The following TRPC1 variants were observed in gnomAD, a reference collection of about 807,000 sequenced individuals.
TRPC1 encodes the protein short transient receptor potential channel 1.
A neutral mutation model predicts 88.2 loss-of-function variants in TRPC1; 42 were observed. That is an observed-to-expected ratio of 0.48 (90% CI 0.37 to 0.62). TRPC1 has a LOEUF of 0.62. Among genes scored for constraint, TRPC1 ranks in the 20% least tolerant of loss-of-function variants. The pLI is 0.00. For synonymous variants in TRPC1, 288 were observed against 331.8 expected, an observed-to-expected ratio of 0.87 and a Z score of 1.43; for missense variants, 699 against 957.3, an observed-to-expected ratio of 0.73 and a Z score of 3.56.
intron 3 of TRPC1, among the ~76,000 whole-genome samples, chr3:142,745,881 C>T (rs1276314314): frequency 3.9e-5 from 6 of 151,998 alleles, no homozygotes; most frequent in East Asian, 1.9e-4. Flanking sequence ...CTTCAGCCTC[C>T]GGAGTAACTG....
chr3:142,731,857 A>C (rs1349505111), intron 1 of TRPC1, among the ~76,000 whole-genome samples: 4 of 152,184 alleles, frequency 2.6e-5, no homozygotes, highest in Non-Finnish European at 5.9e-5. Context: ...GGTTAAAAAA[A>C]ATTTCGTAAC....
Sources: allele counts gnomAD v4.1 joint callset (sites outside exome capture counted in the v4.1 genomes callset), GRCh38; gene constraint gnomAD v4.1.1; transcripts MANE v1.5; gene names NCBI Gene and HGNC (gene_info 2026-07-23, HGNC 2026-07-21).